MBNL1: variants seen among roughly 807,000 people sequenced by gnomAD.
The protein encoded by MBNL1 is muscleblind like splicing regulator 1.
MBNL1 carries 8 observed loss-of-function variants against 42.2 expected under a neutral mutation model. The observed-to-expected ratio is 0.19, with a 90% CI of 0.11 to 0.34. The LOEUF (loss-of-function observed/expected upper bound fraction) is 0.34, where lower values mean the gene tolerates loss of function less well. Among genes scored for constraint, MBNL1 ranks in the 10% least tolerant of loss-of-function variants. MBNL1 has a pLI of 1.00. For missense variants in MBNL1, 309 were observed against 495.3 expected, an observed-to-expected ratio of 0.62 and a Z score of 3.57; for synonymous variants, 169 against 173.9, an observed-to-expected ratio of 0.97 and a Z score of 0.22.
intron 8 of MBNL1, among the ~76,000 whole-genome samples, chr3:152,456,696 G>A (rs546059436): frequency 4.6e-5 from 7 of 152,026 alleles, no homozygotes; most frequent in Non-Finnish European, 1.0e-4. Flanking sequence ...AAAAATAGAG[G>A]CCATTTTAAG....
intron 2 of MBNL1, among the ~76,000 whole-genome samples, chr3:152,386,366 G>A (rs1311428345): frequency 6.6e-6 from 1 of 152,010 alleles, no homozygotes; most frequent in African/African-American, 2.4e-5. Flanking sequence ...GTAGATGACT[G>A]AAGAGATAAC....
At chr3:152,325,044 G>A (rs959853936) in intron 2 of MBNL1, among the ~76,000 whole-genome samples, 1 of 120,460 alleles carries the variant, frequency 8.3e-6, no homozygotes, top group African/African-American at 3.2e-5. Flanking sequence ...TTGACCTGTG[G>A]CAAATGACTT....
intron 2 of MBNL1, among the ~76,000 whole-genome samples, chr3:152,332,692 T>TTG (rs71144115): frequency 0.069 from 9,183 of 132,754 alleles, 400 homozygotes; most frequent in Non-Finnish European, 0.083. Context: ...TTTCATGGTT[T>TTG]TGTGTGTGTG....
intron 2 of MBNL1, among the ~76,000 whole-genome samples, chr3:152,366,721 G>T (rs1194225591): frequency 3.9e-5 from 6 of 152,154 alleles, no homozygotes; most frequent in Admixed American, 1.3e-4. Flanking sequence ...AGCCAATTAG[G>T]AAAGTGAGTA....
chr3:152,322,652 A>AT (rs1466164030), intron 2 of MBNL1, among the ~76,000 whole-genome samples: 8 of 152,060 alleles, frequency 5.3e-5, no homozygotes, highest in Admixed American at 4.6e-4. Context: ...TTATTGATTG[A>AT]TTTTTTTCAT....
chr3:152,441,282 C>A (rs1190805573), intron 4 of MBNL1, among the ~76,000 whole-genome samples: 1 of 152,060 alleles, frequency 6.6e-6, no homozygotes, highest in Non-Finnish European at 1.5e-5. Context: ...GTTATTTTGA[C>A]CATTTTGAAA....
At chr3:152,417,351 C>T (rs2153660960) in intron 3 of MBNL1, among the ~76,000 whole-genome samples, 1 of 152,258 alleles carries the variant, frequency 6.6e-6, no homozygotes, top group African/African-American at 2.4e-5. Context: ...AAAAGGGTTG[C>T]CACTCAGAGA....
chr3:152,252,837 C>T (rs1053542229), intron 2 of MBNL1, among the ~76,000 whole-genome samples: 1 of 152,052 alleles, frequency 6.6e-6, no homozygotes, highest in Non-Finnish European at 1.5e-5. Context: ...AAAAAATTTT[C>T]ACTCTTTTAT....
chr3:152,265,883 G>A (rs898326357), upstream of MBNL1: 2 of 152,108 alleles, frequency 1.3e-5, no homozygotes, highest in Non-Finnish European at 1.5e-5. Flanking sequence ...ATGTTCTCCT[G>A]GCACTGAGGG....
intron 2 of MBNL1, among the ~76,000 whole-genome samples, chr3:152,245,507 A>C (rs2032719771): frequency 1.3e-5 from 2 of 152,176 alleles, no homozygotes; most frequent in South Asian, 4.1e-4. Flanking sequence ...AGATTTGGTA[A>C]GTATAAATAT....
intron 2 of MBNL1, among the ~76,000 whole-genome samples, chr3:152,387,197 G>A (rs981436729): frequency 8.0e-5 from 12 of 150,688 alleles, no homozygotes; most frequent in Non-Finnish European, 7.4e-5. Context: ...ATTTCAGAGC[G>A]CTTTATCTGA....
At chr3:152,378,534 C>T (rs762976214) in intron 2 of MBNL1, among the ~76,000 whole-genome samples, 6 of 151,970 alleles carry the variant, frequency 3.9e-5, no homozygotes, top group Admixed American at 2.0e-4. Flanking sequence ...TATGTAATAG[C>T]TAGACAGCTT....
chr3:152,273,452 C>T (rs2043081360), intron 1 of MBNL1, among the ~76,000 whole-genome samples: 1 of 151,962 alleles, frequency 6.6e-6, no homozygotes, highest in Non-Finnish European at 1.5e-5. Flanking sequence ...TTCAGATAAT[C>T]GTTCATGTTT....
intron 2 of MBNL1, among the ~76,000 whole-genome samples, chr3:152,375,026 G>A (rs558556162): frequency 2.0e-4 from 30 of 151,822 alleles, no homozygotes; most frequent in African/African-American, 6.0e-4. Flanking sequence ...TTTTTTTCGC[G>A]ACAGACTCTT....
chr3:152,360,576 G>T (rs1358424665), intron 2 of MBNL1, among the ~76,000 whole-genome samples: 1 of 151,786 alleles, frequency 6.6e-6, no homozygotes, highest in East Asian at 1.9e-4. Context: ...CTGCTCCCAG[G>T]CCTGATTGGG....
intron 6 of MBNL1, among the ~76,000 whole-genome samples, chr3:152,449,566 C>G (rs567386975): frequency 6.6e-6 from 1 of 152,152 alleles, no homozygotes; most frequent in South Asian, 2.1e-4. Flanking sequence ...TTACTTGTGA[C>G]ACTAGTGTCT....
At position 152,253,991 on chromosome 3, in the gene MBNL1, A is replaced by C. The variant is rs542583188; in HGVS notation, n.333+9551A>C. On this transcript the variant is annotated intron_variant and non_coding_transcript_variant, in intron 2 of 2. Coordinates refer to the MBNL1 transcript ENST00000477171. ...AGACTGTAAGTTCCATGAGGGCAGAAACTTGGCCTTTGTTGTTCATGTTAC... is the reference window on the plus strand; with the variant it reads ...AGACTGTAAGTTCCATGAGGGCAGACACTTGGCCTTTGTTGTTCATGTTAC... Among the ~76,000 whole-genome samples the C allele has an allele frequency of 2.7e-4, 41 of 152,296 alleles. No homozygotes were observed. The South Asian group carries it at 8.3e-3, about 31-fold the overall frequency.
chr3:152,260,159 C>T (rs2036018082), intron 2 of MBNL1, among the ~76,000 whole-genome samples: 1 of 152,132 alleles, frequency 6.6e-6, no homozygotes. Flanking sequence ...GAAAATGCAG[C>T]AGTAACTGGT....
At chr3:152,289,630 A>G (rs2054684977) in intron 1 of MBNL1, among the ~76,000 whole-genome samples, 1 of 152,128 alleles carries the variant, frequency 6.6e-6, no homozygotes, top group South Asian at 2.1e-4. Flanking sequence ...TGTTATGAAG[A>G]ATATATATTA....
Sources: allele counts gnomAD v4.1 joint callset (sites outside exome capture counted in the v4.1 genomes callset), GRCh38; gene constraint gnomAD v4.1.1; transcripts MANE v1.5; gene names NCBI Gene and HGNC (gene_info 2026-07-23, HGNC 2026-07-21).